Variants in CNTN1 observed in about 807,000 individuals in gnomAD.
The protein encoded by CNTN1 is contactin-1.
A neutral mutation model predicts 126.4 loss-of-function variants in CNTN1; 38 were observed. The observed-to-expected ratio is 0.30, with a 90% confidence interval of 0.23 to 0.39. The LOEUF (loss-of-function observed/expected upper bound fraction) is 0.39. Ranked by LOEUF, CNTN1 falls within the 10% of genes least tolerant of loss-of-function variation. The pLI is 1.00. For missense variants in CNTN1, 1,009 were observed against 1,248.4 expected (o/e 0.81, Z 2.89); for synonymous variants, 413 against 422.6 (o/e 0.98, Z 0.28).
intron 1 of CNTN1, among the ~76,000 whole-genome samples, chr12:40,794,938 T>G (rs1940355324): frequency 6.6e-6 from 1 of 152,240 alleles, no homozygotes; most frequent in South Asian, 2.1e-4. Flanking sequence ...TGTGTCAATT[T>G]GGCTAGGCTA....
intron 1 of CNTN1, among the ~76,000 whole-genome samples, chr12:40,702,422 T>G (rs1421169572): frequency 1.3e-5 from 2 of 152,144 alleles, no homozygotes; most frequent in Middle Eastern, 3.2e-3. Context: ...CCTATGCATG[T>G]TTTCAAATTT....
intron 14 of CNTN1, among the ~76,000 whole-genome samples, chr12:40,957,379 C>T (rs555494655): frequency 2.8e-4 from 42 of 150,960 alleles, no homozygotes; most frequent in Admixed American, 3.3e-4. Flanking sequence ...AGTAAATTTA[C>T]GGCCAACAGG....
At chr12:40,960,145 C>A (rs891356126) in intron 15 of CNTN1, among the ~76,000 whole-genome samples, 2 of 151,984 alleles carry the variant, frequency 1.3e-5, no homozygotes, top group African/African-American at 4.8e-5. Context: ...ATTTTCATAA[C>A]ATATATTGCT....
intron 1 of CNTN1, among the ~76,000 whole-genome samples, chr12:40,903,564 C>T (rs1369019576): frequency 3.3e-5 from 5 of 152,060 alleles, no homozygotes; most frequent in Non-Finnish European, 7.3e-5. Flanking sequence ...TACTGTGCTG[C>T]TGAAGGATGT....
intron 1 of CNTN1, among the ~76,000 whole-genome samples, chr12:40,825,917 T>A (rs1030982824): frequency 6.6e-6 from 1 of 152,182 alleles, no homozygotes; most frequent in Middle Eastern, 3.4e-3. Flanking sequence ...TTTAGACAAT[T>A]GAATCCTGAA....
intron 16 of CNTN1, among the ~76,000 whole-genome samples, chr12:40,990,531 T>A (rs1198875114): frequency 6.6e-6 from 1 of 152,186 alleles, no homozygotes; most frequent in African/African-American, 2.4e-5. Context: ...TAGCATAAAA[T>A]GACTCCTGTT....
At chr12:41,004,643 T>G (rs1203528765) in intron 17 of CNTN1, among the ~76,000 whole-genome samples, 1 of 152,192 alleles carries the variant, frequency 6.6e-6, no homozygotes, top group Non-Finnish European at 1.5e-5. Context: ...ACATATTTAT[T>G]ATAGTTAGAT....
At chr12:40,839,659 T>C (rs1046761183) in intron 1 of CNTN1, among the ~76,000 whole-genome samples, 5 of 152,192 alleles carry the variant, frequency 3.3e-5, no homozygotes, top group Admixed American at 1.3e-4. Context: ...AAAAATGCTA[T>C]ATCCAGCAAA....
chr12:40,920,487 G>T (rs1174127199), intron 4 of CNTN1, among the ~76,000 whole-genome samples: 2 of 127,528 alleles, frequency 1.6e-5, no homozygotes, highest in Non-Finnish European at 3.3e-5. Context: ...AAGACAGTCT[G>T]CATTTGACAG....
chr12:41,027,817 G>A (rs764122920), intron 21 of CNTN1, 40 bp from the exon 22 acceptor site: 8 of 1,192,944 alleles, frequency 6.7e-6, no homozygotes, highest in Admixed American at 3.4e-5. Flanking sequence ...ATTGAGATTG[G>A]ATATAGTGAC....
At chr12:40,778,794 G>A (rs909033952) in intron 1 of CNTN1, among the ~76,000 whole-genome samples, 1 of 151,746 alleles carries the variant, frequency 6.6e-6, no homozygotes, top group Admixed American at 6.6e-5. Flanking sequence ...ACGACTGATT[G>A]TTTTGTCATT....
chr12:40,693,012 T>C (rs372714012), intron 1 of CNTN1, among the ~76,000 whole-genome samples: 2 of 152,198 alleles, frequency 1.3e-5, no homozygotes, highest in African/African-American at 4.8e-5. Flanking sequence ...GGCCCGCACC[T>C]GCTCATCTTT....
intron 6 of CNTN1, among the ~76,000 whole-genome samples, chr12:40,924,881 C>CATATATATATATATATATATATACAT (rs138237336): frequency 8.9e-6 from 1 of 112,092 alleles, no homozygotes; most frequent in Non-Finnish European, 1.9e-5. Flanking sequence ...AGTTTATAAA[C>CATATATATATATATATATATATACAT]ATATATATAT....
chr12:40,720,613 T>A (rs891594051), intron 1 of CNTN1, among the ~76,000 whole-genome samples: 2 of 152,186 alleles, frequency 1.3e-5, no homozygotes, highest in African/African-American at 4.8e-5. Flanking sequence ...TTAATAATCA[T>A]AACAATTTTT....
At chr12:41,033,232 A>G (rs1949183427) in intron 23 of CNTN1, among the ~76,000 whole-genome samples, 2 of 152,222 alleles carry the variant, frequency 1.3e-5, no homozygotes, top group Admixed American at 6.5e-5. Context: ...AGGCAAATGT[A>G]ACACCACAAA....
intron 1 of CNTN1, among the ~76,000 whole-genome samples, chr12:40,712,384 A>G (rs577739394): frequency 1.3e-5 from 2 of 152,108 alleles, no homozygotes; most frequent in South Asian, 2.1e-4. Flanking sequence ...GATAGGAACT[A>G]AGTAGAGGTT....
rs768617895 is a variant in CNTN1, at chr12:41,070,001, C to T, written c.3023C>T (p.Pro1008Leu). The T allele has an allele frequency of 6.2e-7, 1 of 1,614,072 alleles. No homozygotes were observed. Among genetic ancestry groups the T allele is most frequent in the Non-Finnish European group, 8.5e-7 (1 of 1,179,978 alleles). Residue 1008 changes from proline (P) to leucine (L), a missense_variant, in exon 24 of 24, where the codon CCT (proline) becomes CTT (leucine). Physicochemically the swap from Pro to Leu is moderately conservative, Grantham distance 98. Transcript: ENST00000551295. ...CCAAGTCTTCTCGGCTTACTGCTGCCTGCCTTTGGCATCCTTGTCTACTTG... is the reference window on the plus strand; with the variant it reads ...CCAAGTCTTCTCGGCTTACTGCTGCTTGCCTTTGGCATCCTTGTCTACTTG... ...LSPSLLGLLL[P>L]AFGILVYLEF
intron 17 of CNTN1, among the ~76,000 whole-genome samples, chr12:40,993,813 A>G (rs967919793): frequency 6.6e-6 from 1 of 152,188 alleles, no homozygotes; most frequent in East Asian, 1.9e-4. Context: ...ACATTTAAGG[A>G]TAAGTAGACA....
intron 15 of CNTN1, among the ~76,000 whole-genome samples, chr12:40,968,411 T>C (rs1468450625): frequency 6.6e-6 from 1 of 152,124 alleles, no homozygotes; most frequent in African/African-American, 2.4e-5. Flanking sequence ...TTTTTTCAGC[T>C]ACTCAACTTT....
Sources: gnomAD v4.1 joint callset for allele counts (sites outside exome capture counted in the v4.1 genomes callset) on GRCh38, gnomAD v4.1.1 for gene constraint, MANE v1.5 for transcripts, NCBI Gene and HGNC (gene_info 2026-07-23, HGNC 2026-07-21) for gene names.